AOPEP: variants seen among roughly 807,000 people sequenced by gnomAD.
AOPEP encodes the protein aminopeptidase O.
AOPEP carries 77 observed loss-of-function variants against 98.1 expected under a neutral mutation model. That is an observed-to-expected ratio of 0.78 (90% CI 0.65 to 0.95). The LOEUF (loss-of-function observed/expected upper bound fraction) is 0.95. Among genes scored for constraint, AOPEP ranks in the 40% least tolerant of loss-of-function variants. The pLI is 0.00. For synonymous variants in AOPEP, 346 were observed against 365.3 expected (o/e 0.95, Z 0.60); for missense variants, 1,024 against 1,024.7 (o/e 1.00, Z 0.01).
Position 94,726,740 on chromosome 9 carries a change from C to G in AOPEP, c.-147C>G, listed in dbSNP as rs1308476055. The G allele has an allele frequency of 2.0e-5, 3 of 152,294 alleles. No individual in the cohort carries two copies. Among genetic ancestry groups the G allele is most frequent in the Non-Finnish European group, 4.4e-5 (3 of 68,092 alleles). 9.4% of individuals were successfully genotyped at this position (152,294 alleles called of 1,614,324 possible). A position where few individuals can be genotyped will look rare whatever the true frequency, so the allele number is the denominator to read the frequency against. On this transcript the variant is annotated 5_prime_UTR_variant, in exon 1 of 17. Coordinates refer to ENST00000375315, the MANE Select transcript of AOPEP (RefSeq NM_001193329.3). ...TGCGGAAGTGGTGACCCGTGGGACG[C>G]GGCTGAGACAGGTAACCTGTTCGCT... is the stretch of plus-strand genomic sequence containing the variant.
intron 5 of AOPEP, among the ~76,000 whole-genome samples, chr9:94,812,746 T>C (rs1374859923): frequency 6.6e-6 from 1 of 152,102 alleles, no homozygotes; most frequent in Non-Finnish European, 1.5e-5. Context: ...TCAAAGCTGG[T>C]TGAGTTGAGT....
the AOPEP span, among the ~76,000 whole-genome samples, chr9:95,124,173 C>T: frequency 6.9e-6 from 1 of 143,926 alleles, no homozygotes; most frequent in African/African-American, 2.6e-5. Flanking sequence ...TTGACGTTGG[C>T]GGGGGGTGTG....
chr9:94,760,033 G>A lies in AOPEP; in HGVS notation c.250G>A (p.Val84Met), dbSNP rs370247076. 36 of 1,614,170 alleles carry A rather than the reference G, an allele frequency of 2.2e-5. No homozygotes were observed. Among genetic ancestry groups the A allele is most frequent in the Non-Finnish European group, 2.8e-5 (33 of 1,180,024 alleles). ...FGMPEPCHIP[V>M]TNARTFSSEM... ...GATGCCTGAACCCTGCCATATTCCC[G>A]TGACAAATGCAAGGACCTTCTCATC... The change falls in exon 2 of 17, where the codon GTG becomes ATG. Residue 84 changes from valine to methionine, a missense_variant. Physicochemically the swap from Val to Met is conservative, Grantham distance 21. Around this residue, in one of 3 missense-constraint regions of AOPEP, gnomAD observed 440 missense variants for 433.8 expected, o/e 1.01. Coordinates refer to ENST00000375315, the MANE Select transcript of AOPEP (RefSeq NM_001193329.3).
At chr9:95,079,941 G>C (rs1050252207) in intron 14 of AOPEP, among the ~76,000 whole-genome samples, 13 of 152,170 alleles carry the variant, frequency 8.5e-5, no homozygotes, top group African/African-American at 2.9e-4. Context: ...CGGGGAATTA[G>C]AGAGCAGTGT....
chr9:95,137,547 C>G, the AOPEP span, among the ~76,000 whole-genome samples: 2 of 152,130 alleles, frequency 1.3e-5, no homozygotes, highest in African/African-American at 2.4e-5. Flanking sequence ...CTGGACATGC[C>G]ATTTCCTCAG....
intron 5 of AOPEP, among the ~76,000 whole-genome samples, chr9:94,806,843 T>C (rs1222587623): frequency 6.6e-6 from 1 of 152,190 alleles, no homozygotes; most frequent in Non-Finnish European, 1.5e-5. Context: ...TGTGTGTGTA[T>C]GTTCCATTTT....
chr9:95,146,708 G>A, the AOPEP span, among the ~76,000 whole-genome samples: 4 of 151,866 alleles, frequency 2.6e-5, no homozygotes, highest in Non-Finnish European at 2.9e-5. Flanking sequence ...TGGATTCACA[G>A]TGTTTTCAAA....
At chr9:94,958,607 C>T (rs2058621875) in intron 9 of AOPEP, among the ~76,000 whole-genome samples, 1 of 152,134 alleles carries the variant, frequency 6.6e-6, no homozygotes, top group Admixed American at 6.5e-5. Flanking sequence ...AATTATAGCT[C>T]ATGATGGTTT....
intron 11 of AOPEP, among the ~76,000 whole-genome samples, chr9:94,987,173 C>T (rs561269682): frequency 6.6e-6 from 1 of 152,292 alleles, no homozygotes; most frequent in African/African-American, 2.4e-5. Flanking sequence ...CTTCAAGATG[C>T]TTAATAATTC....
downstream of AOPEP, among the ~76,000 whole-genome samples, chr9:95,088,894 C>T (rs569456514): frequency 2.6e-5 from 4 of 152,350 alleles, no homozygotes; most frequent in East Asian, 7.7e-4. Context: ...TCATCAGAAC[C>T]GGACATTGCT....
intron 2 of AOPEP, among the ~76,000 whole-genome samples, chr9:94,761,622 C>T (rs1838319478): frequency 6.6e-6 from 1 of 152,144 alleles, no homozygotes; most frequent in Non-Finnish European, 1.5e-5. Flanking sequence ...TAAAGCCTCA[C>T]TTTGACTTTG....
chr9:94,950,936 G>C (rs1020760321), intron 7 of AOPEP, among the ~76,000 whole-genome samples: 6 of 152,194 alleles, frequency 3.9e-5, no homozygotes, highest in Non-Finnish European at 8.8e-5. Flanking sequence ...CTTTCTTCAG[G>C]AGGCCCGATT....
intron 10 of AOPEP, among the ~76,000 whole-genome samples, chr9:94,973,570 A>G (rs1041001645): frequency 6.6e-6 from 1 of 152,158 alleles, no homozygotes; most frequent in Non-Finnish European, 1.5e-5. Context: ...GACCATTGAC[A>G]CTCAGAGTCG....
chr9:94,882,567 G>A (rs1211244920), intron 5 of AOPEP, among the ~76,000 whole-genome samples: 2 of 152,248 alleles, frequency 1.3e-5, no homozygotes, highest in African/African-American at 4.8e-5. Flanking sequence ...CTTGAGGTCA[G>A]GAGTTCAAGA....
chr9:94,819,079 T>C (rs1267268290), intron 5 of AOPEP, among the ~76,000 whole-genome samples: 1 of 152,240 alleles, frequency 6.6e-6, no homozygotes, highest in Non-Finnish European at 1.5e-5. Context: ...TGGATTAAAC[T>C]AGACTATCCA....
the AOPEP span, among the ~76,000 whole-genome samples, chr9:95,147,664 G>T: frequency 6.6e-6 from 1 of 152,194 alleles, no homozygotes; most frequent in Non-Finnish European, 1.5e-5. Context: ...TGCCTTTACA[G>T]ATGTTAATGA....
At chr9:95,122,774 T>C in the AOPEP span, among the ~76,000 whole-genome samples, 1 of 152,116 alleles carries the variant, frequency 6.6e-6, no homozygotes. Flanking sequence ...CCAGGTGTGC[T>C]CCGCGAGGCC....
chr9:94,906,455 A>AAATAATAAT (rs5741511), intron 5 of AOPEP, among the ~76,000 whole-genome samples: 4,299 of 114,270 alleles, frequency 0.038, 87 homozygotes, highest in East Asian at 0.093. Context: ...ACCCTGTCTG[A>AAATAATAAT]AATAATAATA....
chr9:95,117,242 T>G, the AOPEP span: 3 of 1,317,794 alleles, frequency 2.3e-6, no homozygotes, highest in Non-Finnish European at 3.3e-6. Context: ...AAGGGCCTGA[T>G]GAGGAGGTCA....
Sources: gnomAD v4.1 joint callset for allele counts (sites outside exome capture counted in the v4.1 genomes callset) on GRCh38, gnomAD v4.1.1 for gene constraint, gnomAD v4.1.1 regional missense constraint, MANE v1.5 for transcripts, NCBI Gene and HGNC (gene_info 2026-07-23, HGNC 2026-07-21) for gene names.